Variants in OSBPL3 observed in about 807,000 individuals in gnomAD.
OSBPL3 encodes oxysterol binding protein like 3.
In OSBPL3, 65 loss-of-function variants were observed where a neutral mutation model predicts 120.1. That is an observed-to-expected ratio of 0.54 (90% CI 0.44 to 0.67). OSBPL3 has a LOEUF of 0.67. Among genes scored for constraint, OSBPL3 ranks in the 30% least tolerant of loss-of-function variants. The pLI is 0.00. For synonymous variants in OSBPL3, 416 were observed against 402.6 expected, an observed-to-expected ratio of 1.03 and a Z score of -0.40; for missense variants, 1,004 against 1,082.1, an observed-to-expected ratio of 0.93 and a Z score of 1.01.
intron 5 of OSBPL3, 131 bp downstream of exon 5, chr7:24,870,601 C>T (rs1287937096): frequency 3.1e-6 from 2 of 649,218 alleles, no homozygotes; most frequent in East Asian, 2.8e-5. Flanking sequence ...CAACACTGTA[C>T]ATGAGAAACA....
intron 5 of OSBPL3, among the ~76,000 whole-genome samples, chr7:24,870,197 A>G (rs1801905002): frequency 6.6e-6 from 1 of 152,168 alleles, no homozygotes; most frequent in African/African-American, 2.4e-5. Flanking sequence ...TGCTTTGACT[A>G]TCTCTACCAC....
chr7:24,838,859 T>C (rs1230765303), intron 14 of OSBPL3, among the ~76,000 whole-genome samples: 1 of 152,230 alleles, frequency 6.6e-6, no homozygotes, highest in Non-Finnish European at 1.5e-5. Context: ...CACACAAACT[T>C]GCTCCAGTGT....
In OSBPL3 at chr7:24,834,272, G is replaced by A. The variant is rs1239802637; in HGVS notation, c.1746+214C>T. On this transcript the variant is annotated intron_variant, in intron 15 of 22. Transcript: ENST00000313367. This position sits in a 1 kb window ranked among gnomAD's most constrained non-coding sequence, Gnocchi z 5.2. ...AACTACCCCAGGCACCAAGTGCCACGGAGAAGCACCCCAACCCCGTCTCCA... is the reference window on the plus strand; with the variant it reads ...AACTACCCCAGGCACCAAGTGCCACAGAGAAGCACCCCAACCCCGTCTCCA... The A allele has an allele frequency of 2.9e-6, 4 of 1,367,030 alleles. No homozygotes were observed. The highest frequency in any genetic ancestry group is 1.9e-6 in the Non-Finnish European group (2 of 1,052,832). The allele number at this position is 1,367,030 out of a possible 1,614,324, so 84.7% of individuals were successfully genotyped here.
At chr7:24,829,938 G>A (rs1265543490) in intron 16 of OSBPL3, among the ~76,000 whole-genome samples, 1 of 152,122 alleles carries the variant, frequency 6.6e-6, no homozygotes, top group African/African-American at 2.4e-5. Flanking sequence ...CTCAGATGCT[G>A]CTCCAAGTGC....
In OSBPL3 at chr7:24,934,324, T is replaced by G. The variant is rs188702795; in HGVS notation, c.-149-41703A>C. 8.5e-4 allele frequency among the ~76,000 whole-genome samples: 129 copies of G among 152,272 alleles called. No homozygotes were observed. In the Middle Eastern group the frequency reaches 0.01, roughly 12 times the overall value. ...CTGAGTTTTAAGCTTTAATGACAGA[T>G]AACCGAGTTCCTCAGATCAAAGACA... On this transcript the variant is annotated intron_variant, in intron 1 of 22. Transcript: ENST00000313367.
At position 24,872,171 on chromosome 7, in the gene OSBPL3, G is replaced by A. The variant is rs2128285876; in HGVS notation, c.97-102C>T. 2.4e-6 allele frequency: 2 copies of A among 842,238 alleles called. No homozygotes were observed. Among genetic ancestry groups the A allele is most frequent in the East Asian group, 2.5e-5 (1 of 40,334 alleles). 52.2% of individuals were successfully genotyped at this position (842,238 alleles called of 1,614,324 possible). On this transcript the variant is annotated intron_variant, in intron 2 of 22. Coordinates refer to ENST00000313367, the MANE Select transcript of OSBPL3 (RefSeq NM_015550.4). The surrounding 1 kb of genome is among the most constrained non-coding windows in gnomAD (Gnocchi z 4.1). ...CAGTAAATTTATTCAAGATGGGGAGGCTGGCTGGGTTTGTTGGGGAGAAGA... is the reference window on the plus strand; with the variant it reads ...CAGTAAATTTATTCAAGATGGGGAGACTGGCTGGGTTTGTTGGGGAGAAGA...
chr7:24,908,541 G>A lies in OSBPL3; in HGVS notation c.-149-15920C>T, dbSNP rs373099343. The stretch of plus-strand genomic sequence containing the variant: ...TTAAGGTCTAGATTTCCCCAAGACT[G>A]CTTCTTTACAGTAAAACATCCCCTT... On this transcript the variant is annotated intron_variant, in intron 1 of 22. Coordinates refer to ENST00000313367, the MANE Select transcript of OSBPL3 (RefSeq NM_015550.4). Among the ~76,000 whole-genome samples the A allele has an allele frequency of 7.9e-5, 12 of 152,170 alleles. No individual in the cohort carries two copies. In the East Asian group the frequency reaches 1.9e-3, roughly 24 times the overall value.
Position 24,854,502 on chromosome 7 carries a change from GCACACACA to G in OSBPL3, c.1028-1876_1028-1869del, listed in dbSNP as rs70942889. 0.16 allele frequency among the ~76,000 whole-genome samples: 20,700 copies of G among 131,486 alleles called. 1,617 individuals carry two copies. Among genetic ancestry groups the G allele is most frequent in the East Asian group, 0.39 (1,909 of 4,908 alleles). The allele number at this position is 131,486 out of a possible 152,430, so 86.3% of individuals were successfully genotyped here. A position where few individuals can be genotyped will look rare whatever the true frequency, so the allele number is the denominator to read the frequency against. On this transcript the variant is annotated intron_variant, in intron 10 of 22. Transcript: ENST00000313367. The surrounding 1 kb of genome is among the most constrained non-coding windows in gnomAD (Gnocchi z 4.1). ...CACAACAATTTGTACACACACACAC[GCACACACA>G]CACACACACACACACACACACACAC...
At chr7:24,978,339 T>C (rs1051083468) in intron 1 of OSBPL3, among the ~76,000 whole-genome samples, 3 of 152,236 alleles carry the variant, frequency 2.0e-5, no homozygotes. Flanking sequence ...TCTATAAATG[T>C]TTACTGCAAA....
At chr7:24,927,377 T>C (rs1180115554) in intron 1 of OSBPL3, among the ~76,000 whole-genome samples, 2 of 152,212 alleles carry the variant, frequency 1.3e-5, no homozygotes, top group African/African-American at 4.8e-5. Flanking sequence ...GCAGAGAATA[T>C]GGCAATAAAT....
At chr7:24,807,049 G>A (rs958027329) in intron 20 of OSBPL3, 147 bp from the exon 21 acceptor site, 3 of 663,448 alleles carry the variant, frequency 4.5e-6, no homozygotes, top group Non-Finnish European at 7.3e-6. Context: ...CTAATGAACA[G>A]GCACTGAACA....
At chr7:24,910,774 C>T (rs540848218) in intron 1 of OSBPL3, among the ~76,000 whole-genome samples, 20 of 152,262 alleles carry the variant, frequency 1.3e-4, no homozygotes, top group African/African-American at 4.3e-4. Context: ...GAAGAGGTGG[C>T]CTGCAGGGAG....
chr7:24,955,715 T>A lies in OSBPL3; in HGVS notation c.-150+24171A>T, dbSNP rs1814966060. On this transcript the variant is annotated intron_variant, in intron 1 of 22. Transcript: ENST00000313367. This position sits in a 1 kb window ranked among gnomAD's most constrained non-coding sequence, Gnocchi z 4.3. ...CCACAGCACTTACTATCACCTGACA[T>A]ACATATTTATTTGCTTATAATGCAA... Among the ~76,000 whole-genome samples the A allele has an allele frequency of 6.6e-6, 1 of 152,244 alleles. No individual in the cohort carries two copies. Among genetic ancestry groups the A allele is most frequent in the South Asian group, 2.1e-4 (1 of 4,836 alleles).
At chr7:24,963,917 A>G (rs992467507) in intron 1 of OSBPL3, among the ~76,000 whole-genome samples, 3 of 152,162 alleles carry the variant, frequency 2.0e-5, no homozygotes, top group African/African-American at 7.2e-5. Context: ...TAGCCTGAGT[A>G]CCTTGTAGTG....
At position 24,872,172 on chromosome 7, in the gene OSBPL3, C is replaced by T. The variant is rs1355478741; in HGVS notation, c.97-103G>A. 4.8e-6 allele frequency: 4 copies of T among 840,002 alleles called. No homozygotes were observed. Among genetic ancestry groups the T allele is most frequent in the Non-Finnish European group, 8.0e-6 (4 of 497,074 alleles). 52.0% of individuals were successfully genotyped at this position (840,002 alleles called of 1,614,324 possible). A position where few individuals can be genotyped will look rare whatever the true frequency, so the allele number is the denominator to read the frequency against. ...AGTAAATTTATTCAAGATGGGGAGGCTGGCTGGGTTTGTTGGGGAGAAGAA... is the reference window on the plus strand; with the variant it reads ...AGTAAATTTATTCAAGATGGGGAGGTTGGCTGGGTTTGTTGGGGAGAAGAA... On this transcript the variant is annotated intron_variant, in intron 2 of 22. Coordinates refer to ENST00000313367, the MANE Select transcript of OSBPL3 (RefSeq NM_015550.4). The surrounding 1 kb of genome is among the most constrained non-coding windows in gnomAD (Gnocchi z 4.1).
At chr7:24,848,824 T>C (rs1401979784) in intron 12 of OSBPL3, among the ~76,000 whole-genome samples, 1 of 147,784 alleles carries the variant, frequency 6.8e-6, no homozygotes, top group Non-Finnish European at 1.5e-5. Context: ...AACAGAAATA[T>C]AAAAAAAAAA....
Position 24,833,676 on chromosome 7 carries a change from A to G in OSBPL3, c.1746+810T>C, listed in dbSNP as rs2128178202. Among the ~76,000 whole-genome samples the G allele has an allele frequency of 6.6e-6, 1 of 152,330 alleles. No individual in the cohort carries two copies. The highest frequency in any genetic ancestry group is 2.1e-4 in the South Asian group (1 of 4,826). On this transcript the variant is annotated intron_variant, in intron 15 of 22. Coordinates refer to ENST00000313367, the MANE Select transcript of OSBPL3 (RefSeq NM_015550.4). The surrounding 1 kb of genome is among the most constrained non-coding windows in gnomAD (Gnocchi z 4.4). The stretch of plus-strand genomic sequence containing the variant: ...ACACTGCTGTCCCAGCATCCCATAG[A>G]GACAATGACCTTACTGCTCTAAGGT...
At chr7:24,960,079 AC>A (rs1286073553) in intron 1 of OSBPL3, among the ~76,000 whole-genome samples, 1 of 152,212 alleles carries the variant, frequency 6.6e-6, no homozygotes, top group Non-Finnish European at 1.5e-5. Context: ...TAAGAAAAAA[AC>A]CAATTATTTA....
intron 1 of OSBPL3, among the ~76,000 whole-genome samples, chr7:24,973,941 T>C (rs570963211): frequency 1.2e-3 from 182 of 152,370 alleles, no homozygotes; most frequent in Non-Finnish European, 2.1e-3. Context: ...GATGTAATTT[T>C]AATTTCTTAA....
Sources: gnomAD v4.1 joint callset for allele counts (sites outside exome capture counted in the v4.1 genomes callset) on GRCh38, gnomAD v4.1.1 for gene constraint, Gnocchi (gnomAD v3.1) non-coding constraint, MANE v1.5 for transcripts, NCBI Gene and HGNC (gene_info 2026-07-23, HGNC 2026-07-21) for gene names.